Variants in KANSL1 observed in about 807,000 individuals in gnomAD.
KANSL1 encodes the protein MLL1/MLL complex subunit KANSL1.
KANSL1 carries 22 observed loss-of-function variants against 103.6 expected under a neutral mutation model. The observed-to-expected ratio is 0.21, with a 90% CI of 0.15 to 0.30. The LOEUF (loss-of-function observed/expected upper bound fraction) is 0.30, where lower values mean the gene tolerates loss of function less well. Among genes scored for constraint, KANSL1 ranks in the 10% least tolerant of loss-of-function variants. The probability of loss-of-function intolerance (pLI) is 1.00; values close to 1 mark genes in which losing one functional copy is unlikely to be tolerated. For missense variants in KANSL1, 1,337 were observed against 1,399.8 expected, an observed-to-expected ratio of 0.96 and a Z score of 0.72; for synonymous variants, 600 against 527.6, an observed-to-expected ratio of 1.14 and a Z score of -1.88.
chr17:46,196,250 T>TA (rs1010852546), upstream of KANSL1: 41 of 444,642 alleles, frequency 9.2e-5, no homozygotes, highest in Admixed American at 1.0e-4. Context: ...TGAAAAGTGA[T>TA]AAAAAAATAA....
At position 46,080,768 on chromosome 17, in the gene KANSL1, A is replaced by C. The variant is rs1005160214; in HGVS notation, c.1533+1673T>G. 1.8e-3 allele frequency among the ~76,000 whole-genome samples: 257 copies of C among 141,080 alleles called. 3 individuals carry two copies. Among genetic ancestry groups the C allele is most frequent in the Non-Finnish European group, 4.4e-4 (29 of 65,850 alleles). The allele number at this position is 141,080 out of a possible 152,430, so 92.6% of individuals were successfully genotyped here. ...TCTGAACGCTTTTCAGAAAGCATGG[A>C]TATATTCATAAAGGGTAGATAATTC... On this transcript the variant is annotated intron_variant, in intron 4 of 14. Transcript: ENST00000432791.
intron 1 of KANSL1, among the ~76,000 whole-genome samples, chr17:46,191,875 C>A (rs921141932): frequency 4.6e-5 from 7 of 152,112 alleles, no homozygotes; most frequent in African/African-American, 1.4e-4. Context: ...CTTTGGGGAC[C>A]GCGGCAGTCG....
chr17:46,088,933 G>A (rs912187030), intron 3 of KANSL1, among the ~76,000 whole-genome samples: 6 of 152,110 alleles, frequency 3.9e-5, no homozygotes, highest in Admixed American at 6.6e-5. Flanking sequence ...TTTACCAGGT[G>A]TGAAATTTCA....
intron 2 of KANSL1, among the ~76,000 whole-genome samples, chr17:46,140,371 T>A (rs1473649957): frequency 6.6e-6 from 1 of 152,160 alleles, no homozygotes; most frequent in Non-Finnish European, 1.5e-5. Context: ...TAAAATTGGA[T>A]TCCTACCTCA....
intron 2 of KANSL1, among the ~76,000 whole-genome samples, chr17:46,104,300 T>C (rs1039723350): frequency 2.6e-5 from 4 of 152,346 alleles, no homozygotes; most frequent in South Asian, 2.1e-4. Flanking sequence ...TCATACCCTA[T>C]GCAAATTTCC....
At chr17:46,150,209 A>G (rs2045014284) in intron 2 of KANSL1, among the ~76,000 whole-genome samples, 1 of 150,664 alleles carries the variant, frequency 6.6e-6, no homozygotes, top group Non-Finnish European at 1.5e-5. Context: ...GGCTGCTTAT[A>G]CTGCTCTAAT....
At chr17:46,099,533 G>A (rs186121099) in intron 2 of KANSL1, among the ~76,000 whole-genome samples, 3 of 152,146 alleles carry the variant, frequency 2.0e-5, no homozygotes, top group Non-Finnish European at 4.4e-5. Context: ...CAGGACTAAG[G>A]TTGCAGAATA....
Position 46,172,653 on chromosome 17 carries a change from C to T in KANSL1, c.-89-421G>A, listed in dbSNP as rs1201095493. Among the ~76,000 whole-genome samples, 4 of 152,208 alleles carry T rather than the reference C, an allele frequency of 2.6e-5. No homozygotes were observed. The East Asian group carries it at 7.7e-4, about 29-fold the overall frequency. On this transcript the variant is annotated intron_variant, in intron 1 of 14. Coordinates refer to ENST00000432791, the MANE Select transcript of KANSL1 (RefSeq NM_015443.4). Reference sequence around the variant, plus strand: ...AATTAGTAAGGAATTCCCGTGTTCACTAAAAAAAGTATGCCAAATATCACA... The same window carrying T: ...AATTAGTAAGGAATTCCCGTGTTCATTAAAAAAAGTATGCCAAATATCACA...
intron 1 of KANSL1, among the ~76,000 whole-genome samples, chr17:46,199,955 A>G (rs905030283): frequency 6.6e-6 from 1 of 152,208 alleles, no homozygotes; most frequent in African/African-American, 2.4e-5. Flanking sequence ...TGGATTTAAT[A>G]GCAGCTACCA....
intron 2 of KANSL1, among the ~76,000 whole-genome samples, chr17:46,126,030 C>G (rs535105119): frequency 6.6e-5 from 10 of 152,280 alleles, no homozygotes; most frequent in African/African-American, 2.4e-4. Context: ...TTATCAGTAC[C>G]AGTAGGAATT....
At chr17:46,195,709 T>C (rs575710954), upstream of KANSL1, among the ~76,000 whole-genome samples, 2 of 152,274 alleles carry the variant, frequency 1.3e-5, no homozygotes, top group African/African-American at 4.8e-5. Flanking sequence ...TATGCCACCA[T>C]GCCCAGCTGT....
At chr17:46,097,341 T>C (rs2042129842) in intron 2 of KANSL1, among the ~76,000 whole-genome samples, 1 of 152,248 alleles carries the variant, frequency 6.6e-6, no homozygotes, top group East Asian at 1.9e-4. Flanking sequence ...TTATTTACTG[T>C]ATGTATCAAC....
intron 1 of KANSL1, among the ~76,000 whole-genome samples, chr17:46,218,696 T>C (rs962955227): frequency 1.3e-5 from 2 of 151,964 alleles, no homozygotes; most frequent in African/African-American, 4.8e-5. Context: ...GGCAGGAGAA[T>C]TGCTTGAACT....
intron 2 of KANSL1, among the ~76,000 whole-genome samples, chr17:46,148,933 A>G (rs918611221): frequency 7.3e-5 from 11 of 149,974 alleles, no homozygotes; most frequent in Admixed American, 6.6e-4. Context: ...CCCTCTCCCT[A>G]GACTCCTAAC....
chr17:46,144,881 C>T (rs1363865989), intron 2 of KANSL1, among the ~76,000 whole-genome samples: 1 of 152,210 alleles, frequency 6.6e-6, no homozygotes, highest in Non-Finnish European at 1.5e-5. Flanking sequence ...GCATTTCTAA[C>T]TCCCCAGATT....
At chr17:46,059,973 A>C (rs965489776) in intron 6 of KANSL1, among the ~76,000 whole-genome samples, 1 of 152,156 alleles carries the variant, frequency 6.6e-6, no homozygotes, top group African/African-American at 2.4e-5. Context: ...ACAACAACAA[A>C]AAATCAGCCT....
At chr17:46,081,346 C>T (rs954713599) in intron 4 of KANSL1, among the ~76,000 whole-genome samples, 1 of 152,052 alleles carries the variant, frequency 6.6e-6, no homozygotes, top group African/African-American at 2.4e-5. Flanking sequence ...CAATTTTTAC[C>T]CTGATTAGAC....
Position 46,172,173 on chromosome 17 carries a change from C to T in KANSL1, c.-30G>A. Reference sequence around the variant, plus strand: ...CACAGAGAGACAGGAAGTCCAGCCTCTCCCGATGCCGAGGCCGAGGCCAGC... The same window carrying T: ...CACAGAGAGACAGGAAGTCCAGCCTTTCCCGATGCCGAGGCCGAGGCCAGC... On this transcript the variant is annotated 5_prime_UTR_variant, in exon 2 of 15. Coordinates refer to ENST00000432791, the MANE Select transcript of KANSL1 (RefSeq NM_015443.4). 6.3e-7 allele frequency: 1 copy of T among 1,589,736 alleles called. No individual in the cohort carries two copies. Among genetic ancestry groups the T allele is most frequent in the Non-Finnish European group, 8.5e-7 (1 of 1,174,752 alleles).
rs1319100019 is a variant in KANSL1, at chr17:46,064,300, T to C, written c.1848+2237A>G. On this transcript the variant is annotated intron_variant, in intron 6 of 14. Coordinates refer to ENST00000432791, the MANE Select transcript of KANSL1 (RefSeq NM_015443.4). The stretch of plus-strand genomic sequence containing the variant: ...CAAGGAAAGTACTGAAAATTCACCA[T>C]GCAAATACTAATTGTTCCAGCAATT... 5.3e-5 allele frequency among the ~76,000 whole-genome samples: 8 copies of C among 152,306 alleles called. No individual in the cohort carries two copies. The East Asian group carries it at 9.6e-4, about 18-fold the overall frequency.
Sources: allele counts gnomAD v4.1 joint callset (sites outside exome capture counted in the v4.1 genomes callset), GRCh38; gene constraint gnomAD v4.1.1; transcripts MANE v1.5; gene names NCBI Gene and HGNC (gene_info 2026-07-23, HGNC 2026-07-21).